Variants in GDNF observed in about 807,000 individuals in gnomAD.
GDNF encodes the protein glial cell line-derived neurotrophic factor.
GDNF carries 5 observed loss-of-function variants against 13.7 expected under a neutral mutation model. That is an observed-to-expected ratio of 0.36 (90% CI 0.19 to 0.77). The LOEUF (loss-of-function observed/expected upper bound fraction) is 0.77, where lower values mean the gene tolerates loss of function less well. GDNF is among the 30% of genes least tolerant of loss of function. The pLI, the probability that GDNF is intolerant of heterozygous loss-of-function variation, is 0.51. For missense variants in GDNF, 246 were observed against 274.3 expected (o/e 0.90, Z 0.73); for synonymous variants, 122 against 112.5 (o/e 1.08, Z -0.53).
chr5:37,829,012 C>G (rs16903744), intron 2 of GDNF, among the ~76,000 whole-genome samples: 5,192 of 152,342 alleles, frequency 0.034, 294 homozygotes, highest in African/African-American at 0.12. Context: ...AGCAAGATCC[C>G]GCCTTGTAGT....
intron 2 of GDNF, among the ~76,000 whole-genome samples, chr5:37,825,505 A>G (rs1397798514): frequency 6.6e-6 from 1 of 152,198 alleles, no homozygotes; most frequent in Non-Finnish European, 1.5e-5. Context: ...CCACAAGCTA[A>G]TGAGCACACA....
chr5:37,821,262 C>T (rs1254433924), intron 2 of GDNF, among the ~76,000 whole-genome samples: 1 of 152,146 alleles, frequency 6.6e-6, no homozygotes, highest in Non-Finnish European at 1.5e-5. Context: ...TCCAGGAATT[C>T]ACTGAGCTGA....
intron 2 of GDNF, among the ~76,000 whole-genome samples, chr5:37,822,903 A>G (rs1401539900): frequency 6.6e-6 from 1 of 152,230 alleles, no homozygotes; most frequent in Non-Finnish European, 1.5e-5. Context: ...TATATGTTAC[A>G]AACATGATTT....
intron 2 of GDNF, among the ~76,000 whole-genome samples, chr5:37,816,984 A>C (rs1389210520): frequency 6.6e-6 from 1 of 152,270 alleles, no homozygotes; most frequent in East Asian, 1.9e-4. Flanking sequence ...GTAAAATGGC[A>C]TTTATGTATC....
At chr5:37,832,367 A>G (rs1246688929) in intron 2 of GDNF, among the ~76,000 whole-genome samples, 1 of 152,212 alleles carries the variant, frequency 6.6e-6, no homozygotes, top group Non-Finnish European at 1.5e-5. Context: ...TTGAGTGTTC[A>G]AAGTCTGCAT....
At chr5:37,825,819 G>A (rs569596968) in intron 2 of GDNF, among the ~76,000 whole-genome samples, 2 of 152,312 alleles carry the variant, frequency 1.3e-5, no homozygotes, top group East Asian at 3.9e-4. Flanking sequence ...AAGAAGGAGG[G>A]ACTAAGAGAA....
Position 37,815,572 on chromosome 5 carries a change from C to T in GDNF, c.*79G>A. ...CTTGGTCCTCATCTTCCATTCTGGG[C>T]AAACATTTCCTGGGAACCTTGGTCC... On this transcript the variant is annotated 3_prime_UTR_variant, in exon 3 of 3. Transcript: ENST00000326524. The surrounding 1 kb of genome is among the most constrained non-coding windows in gnomAD (Gnocchi z 5.0). 7.3e-7 allele frequency: 1 copy of T among 1,378,016 alleles called. No individual in the cohort carries two copies. The highest frequency in any genetic ancestry group is 1.0e-6 in the Non-Finnish European group (1 of 967,402). 85.4% of individuals were successfully genotyped at this position (1,378,016 alleles called of 1,614,324 possible).
At chr5:37,823,725 T>C (rs1581582128) in intron 2 of GDNF, among the ~76,000 whole-genome samples, 2 of 152,310 alleles carry the variant, frequency 1.3e-5, no homozygotes, top group South Asian at 2.1e-4. Context: ...CTTGGGTCAG[T>C]CCCTGATCAG....
Position 37,815,505 on chromosome 5 carries a change from CTCCTCCTCCTCCTCCTCTTCTTCT to C in GDNF, c.*122_*145del. The C allele has an allele frequency of 1.3e-6, 1 of 744,522 alleles. No homozygotes were observed. Among genetic ancestry groups the C allele is most frequent in the Middle Eastern group, 3.5e-4 (1 of 2,890 alleles). The allele number at this position is 744,522 out of a possible 1,614,324, so 46.1% of individuals were successfully genotyped here. On this transcript the variant is annotated 3_prime_UTR_variant, in exon 3 of 3. Transcript: ENST00000326524. This position sits in a 1 kb window ranked among gnomAD's most constrained non-coding sequence, Gnocchi z 5.0. Reference sequence around the variant, plus strand: ...GGCTGCCTTCCTCCTCCTCCTCCTCCTCCTCCTCCTCCTCCTCTTCTTCTTCCTCCTCCTCCGCCTCCTTGGTCC... The same window carrying C: ...GGCTGCCTTCCTCCTCCTCCTCCTCCTCCTCCTCCTCCGCCTCCTTGGTCC...
chr5:37,831,138 T>C (rs958664576), intron 2 of GDNF, among the ~76,000 whole-genome samples: 2 of 152,232 alleles, frequency 1.3e-5, no homozygotes, highest in African/African-American at 4.8e-5. Context: ...TATACTAAAT[T>C]AGGAATTACT....
chr5:37,832,572 T>C (rs192403103), intron 2 of GDNF, among the ~76,000 whole-genome samples: 1 of 152,254 alleles, frequency 6.6e-6, no homozygotes, highest in African/African-American at 2.4e-5. Context: ...CAAATGTAAA[T>C]AGAGTAGTGA....
intron 2 of GDNF, among the ~76,000 whole-genome samples, chr5:37,821,732 T>TG (rs1475045872): frequency 1.3e-5 from 2 of 152,054 alleles, no homozygotes; most frequent in East Asian, 3.9e-4. Flanking sequence ...CCCTCGATTA[T>TG]GGGGAAAAAA....
rs996047832 is a variant in GDNF at position 37,839,947 on chromosome 5, C to G, written c.-467G>C. The stretch of plus-strand genomic sequence containing the variant: ...AGACTGGTTTGTCTGATGCTGCTGC[C>G]GGAGCTGAGGTCTTGCCTGGAGATC... On this transcript the variant is annotated 5_prime_UTR_variant, in exon 1 of 3. Coordinates refer to ENST00000326524, the MANE Select transcript of GDNF (RefSeq NM_000514.4). This position sits in a 1 kb window ranked among gnomAD's most constrained non-coding sequence, Gnocchi z 5.5. The G allele has an allele frequency of 6.6e-6, 1 of 152,346 alleles. No individual in the cohort carries two copies. The highest frequency in any genetic ancestry group is 1.5e-5 in the Non-Finnish European group (1 of 68,172). The allele number at this position is 152,346 out of a possible 1,614,324, so 9.4% of individuals were successfully genotyped here.
At position 37,816,103 on chromosome 5, in the gene GDNF, C is replaced by T. The variant is rs574185638; in HGVS notation, c.184G>A (p.Asp62Asn). 45 of 1,613,068 alleles carry T rather than the reference C, an allele frequency of 2.8e-5. No homozygotes were observed. Among genetic ancestry groups the T allele is most frequent in the African/African-American group, 2.3e-4 (17 of 75,012 alleles). Residue 62 changes from aspartate to asparagine, a missense_variant, in exon 3 of 3, where the codon GAT becomes AAT. By Grantham distance (23) the Asp-to-Asn change is conservative. Coordinates refer to ENST00000326524, the MANE Select transcript of GDNF (RefSeq NM_000514.4). ...NMPEDYPDQF[D>N]DVMDFIQATI... ...GCTTGAATAAAATCCATGACATCAT[C>T]GAACTGATCAGGATAATCCTCTGGC...
At chr5:37,832,181 C>T (rs375567357) in intron 2 of GDNF, among the ~76,000 whole-genome samples, 1 of 152,220 alleles carries the variant, frequency 6.6e-6, no homozygotes, top group African/African-American at 2.4e-5. Context: ...CTCTTTTGCT[C>T]AATCATTAAG....
rs559803880 is a variant in GDNF at position 37,838,305 on chromosome 5, C to T, written c.-27+1202G>A. 2.5e-4 allele frequency among the ~76,000 whole-genome samples: 38 copies of T among 152,310 alleles called. No homozygotes were observed. The highest frequency in any genetic ancestry group is 7.9e-4 in the African/African-American group (33 of 41,572). ...ACACTTGTTACTTGTTGAAAAGGCG[C>T]CACCTTCCCTGACAAAGCGAAGGCG... On this transcript the variant is annotated intron_variant, in intron 1 of 2. Transcript: ENST00000326524. The surrounding 1 kb of genome is among the most constrained non-coding windows in gnomAD (Gnocchi z 4.1).
At chr5:37,828,647 CT>C (rs1215983119) in intron 2 of GDNF, among the ~76,000 whole-genome samples, 16 of 152,320 alleles carry the variant, frequency 1.1e-4, no homozygotes, top group Middle Eastern at 3.4e-3. Flanking sequence ...GGCTTCACCA[CT>C]TACTAGGTTT....
chr5:37,830,639 G>C (rs531420225), intron 2 of GDNF, among the ~76,000 whole-genome samples: 2 of 152,318 alleles, frequency 1.3e-5, no homozygotes, highest in East Asian at 3.9e-4. Flanking sequence ...TGGGTGCCCA[G>C]GGAGGGGCCA....
At position 37,812,689 on chromosome 5, in the gene GDNF, A is replaced by AGTT. The variant is rs752665573; in HGVS notation, c.*2959_*2961dup. On this transcript the variant is annotated 3_prime_UTR_variant, in exon 3 of 3. Coordinates refer to ENST00000326524, the MANE Select transcript of GDNF (RefSeq NM_000514.4). Reference sequence around the variant, plus strand: ...AGAAGTACAGAGAGCAATAGAAATGAGTTTTTATTTGTAAAAAGTTACAAA... The same window carrying AGTT: ...AGAAGTACAGAGAGCAATAGAAATGAGTTGTTTTTATTTGTAAAAAGTTACAAA... The AGTT allele has an allele frequency of 3.9e-5, 6 of 152,336 alleles. No homozygotes were observed. In the South Asian group the frequency reaches 1.2e-3, roughly 32 times the overall value. The allele number at this position is 152,336 out of a possible 1,614,324, so 9.4% of individuals were successfully genotyped here.
Sources: gnomAD v4.1 joint callset for allele counts (sites outside exome capture counted in the v4.1 genomes callset) on GRCh38, gnomAD v4.1.1 for gene constraint, Gnocchi (gnomAD v3.1) non-coding constraint, MANE v1.5 for transcripts, NCBI Gene and HGNC (gene_info 2026-07-23, HGNC 2026-07-21) for gene names.